The following FHIT variants were observed in gnomAD, a reference collection of about 807,000 sequenced individuals.
FHIT encodes bis(5'-adenosyl)-triphosphatase.
In FHIT, 19 loss-of-function variants were observed where a neutral mutation model predicts 17.9. The observed-to-expected ratio is 1.06, with a 90% CI of 0.74 to 1.56. FHIT has a LOEUF of 1.56. Among genes scored for constraint, FHIT ranks in the 40% most tolerant of loss-of-function variants. FHIT has a pLI of 0.00. For missense variants in FHIT, 248 were observed against 189.2 expected (o/e 1.31, Z -1.82); for synonymous variants, 81 against 69.7 (o/e 1.16, Z -0.81).
At chr3:60,752,938 C>T (rs2042498934) in intron 4 of FHIT, among the ~76,000 whole-genome samples, 1 of 152,148 alleles carries the variant, frequency 6.6e-6, no homozygotes, top group South Asian at 2.1e-4. Flanking sequence ...AGGCATCTGT[C>T]GTGCTCCCAA....
At chr3:61,138,290 G>A (rs1028079222) in intron 2 of FHIT, among the ~76,000 whole-genome samples, 1 of 152,266 alleles carries the variant, frequency 6.6e-6, no homozygotes, top group Non-Finnish European at 1.5e-5. Flanking sequence ...CCACAGCCTG[G>A]GAGCCAAGTT....
At chr3:60,944,137 T>C (rs1678010911) in intron 3 of FHIT, among the ~76,000 whole-genome samples, 2 of 152,198 alleles carry the variant, frequency 1.3e-5, no homozygotes, top group South Asian at 4.1e-4. Flanking sequence ...TCGCATAGTA[T>C]AAGTTAAGAA....
At chr3:60,146,413 A>C (rs991012538) in intron 5 of FHIT, among the ~76,000 whole-genome samples, 1 of 151,940 alleles carries the variant, frequency 6.6e-6, no homozygotes, top group Non-Finnish European at 1.5e-5. Context: ...CTATCAAACA[A>C]TATCATAAAC....
In FHIT at chr3:60,698,913, A is replaced by G. The variant is rs138565383; in HGVS notation, c.-18+123006T>C. ...ATTAGCACATCACCCAGAGAAACTG[A>G]CTTTTAACAGTCTGGTGTTTATACT... On this transcript the variant is annotated intron_variant, in intron 4 of 9. Transcript: ENST00000492590. 4.7e-3 allele frequency among the ~76,000 whole-genome samples: 723 copies of G among 152,306 alleles called. 5 individuals are homozygous for G. Among genetic ancestry groups the G allele is most frequent in the African/African-American group, 0.017 (693 of 41,566 alleles).
At chr3:60,199,420 T>C (rs114446371) in intron 5 of FHIT, among the ~76,000 whole-genome samples, 2,956 of 152,244 alleles carry the variant, frequency 0.019, 96 homozygotes, top group African/African-American at 0.066. Flanking sequence ...AGAAACATTC[T>C]GGATTGGGAG....
At chr3:59,796,447 C>T (rs1559613882) in intron 8 of FHIT, among the ~76,000 whole-genome samples, 1 of 152,160 alleles carries the variant, frequency 6.6e-6, no homozygotes, top group Admixed American at 6.5e-5. Context: ...TGTTGGGTCT[C>T]TCCTCGAATG....
chr3:60,565,447 T>A lies in FHIT; in HGVS notation c.-17-28468A>T, dbSNP rs1053615980. ...CACTTTCCGTTAATGGAGAATGCTATAACACCTAGTTCCCACTTCTATTCT... is the reference window on the plus strand; with the variant it reads ...CACTTTCCGTTAATGGAGAATGCTAAAACACCTAGTTCCCACTTCTATTCT... On this transcript the variant is annotated intron_variant, in intron 4 of 9. Transcript: ENST00000492590. Among the ~76,000 whole-genome samples, 14 of 152,326 alleles carry A rather than the reference T, an allele frequency of 9.2e-5. No homozygotes were observed. In the East Asian group the frequency reaches 1.2e-3, roughly 13 times the overall value.
chr3:60,639,494 G>C (rs868939748), intron 4 of FHIT, among the ~76,000 whole-genome samples: 1 of 152,110 alleles, frequency 6.6e-6, no homozygotes, highest in Non-Finnish European at 1.5e-5. Context: ...AGGAGAAAGG[G>C]CCATCGTAAA....
At chr3:61,142,006 T>C (rs114674281) in intron 2 of FHIT, among the ~76,000 whole-genome samples, 4,251 of 151,604 alleles carry the variant, frequency 0.028, 205 homozygotes, top group Non-Finnish European at 0.042. Flanking sequence ...CCCAGAGCCA[T>C]GGCTCTGCAC....
chr3:60,365,906 T>C (rs1368758986), intron 5 of FHIT, among the ~76,000 whole-genome samples: 2 of 152,194 alleles, frequency 1.3e-5, no homozygotes, highest in Admixed American at 1.3e-4. Context: ...GCTTGATCCA[T>C]GCAGCATGTA....
At chr3:60,079,451 G>C (rs1056180842) in intron 5 of FHIT, among the ~76,000 whole-genome samples, 2 of 151,998 alleles carry the variant, frequency 1.3e-5, no homozygotes, top group Non-Finnish European at 1.5e-5. Context: ...TCTCAGAACA[G>C]TTAAAAATAG....
chr3:60,379,228 C>A (rs940437666), intron 5 of FHIT, among the ~76,000 whole-genome samples: 18 of 152,206 alleles, frequency 1.2e-4, no homozygotes, highest in African/African-American at 4.1e-4. Context: ...AAATAGATTT[C>A]ATTCTAAATT....
intron 4 of FHIT, among the ~76,000 whole-genome samples, chr3:60,744,270 A>AAAAAAAAAAAAAAAAAAAC (rs1577150242): frequency 8.9e-5 from 2 of 22,518 alleles, no homozygotes; most frequent in African/African-American, 3.9e-4. Context: ...AAACAAAACA[A>AAAAAAAAAAAAAAAAAAAC]AAAAAAAAAA....
intron 2 of FHIT, among the ~76,000 whole-genome samples, chr3:61,095,518 C>T (rs2106827601): frequency 6.6e-6 from 1 of 152,252 alleles, no homozygotes; most frequent in South Asian, 2.1e-4. Context: ...GCAGGGTTGC[C>T]TTGAGACTTG....
At chr3:60,102,862 T>C (rs1028049632) in intron 5 of FHIT, among the ~76,000 whole-genome samples, 1 of 152,076 alleles carries the variant, frequency 6.6e-6, no homozygotes, top group African/African-American at 2.4e-5. Context: ...ACCACACAAG[T>C]CCCGTGTCTG....
At chr3:60,230,196 G>A (rs1419756269) in intron 5 of FHIT, among the ~76,000 whole-genome samples, 2 of 152,086 alleles carry the variant, frequency 1.3e-5, no homozygotes, top group African/African-American at 4.8e-5. Context: ...GCGGCCACTG[G>A]CTGCCATAAT....
chr3:60,185,970 T>A (rs561041353), intron 5 of FHIT, among the ~76,000 whole-genome samples: 1 of 152,308 alleles, frequency 6.6e-6, no homozygotes, highest in South Asian at 2.1e-4. Flanking sequence ...TGTATTCAGA[T>A]CTTTTGATCA....
chr3:60,407,482 TA>T (rs756734159), intron 5 of FHIT, among the ~76,000 whole-genome samples: 120 of 152,290 alleles, frequency 7.9e-4, no homozygotes, highest in Non-Finnish European at 1.4e-3. Context: ...GTTTAGATAA[TA>T]TTCAATGGGA....
rs539349588 is a variant in FHIT, at chr3:60,611,039, C to T, written c.-17-74060G>A. On this transcript the variant is annotated intron_variant, in intron 4 of 9. Transcript: ENST00000492590. ...AGTGTGAGGATTAAATGAGACAACA[C>T]CATAAGGCTCTAGCCAAGGGGTCCA... 1.4e-4 allele frequency among the ~76,000 whole-genome samples: 22 copies of T among 152,302 alleles called. No homozygotes were observed. In the South Asian group the frequency reaches 3.9e-3, roughly 27 times the overall value.
Sources: gnomAD v4.1 joint callset for allele counts (sites outside exome capture counted in the v4.1 genomes callset) on GRCh38, gnomAD v4.1.1 for gene constraint, MANE v1.5 for transcripts, NCBI Gene and HGNC (gene_info 2026-07-23, HGNC 2026-07-21) for gene names.